The following ADAM11 variants were observed in gnomAD, a reference collection of about 807,000 sequenced individuals.
The protein encoded by ADAM11 is disintegrin and metalloproteinase domain-containing protein 11.
A neutral mutation model predicts 119.1 loss-of-function variants in ADAM11; 49 were observed. The observed-to-expected ratio is 0.41, with a 90% CI of 0.33 to 0.52. ADAM11 has a LOEUF of 0.52. Ranked by LOEUF, ADAM11 falls within the 20% of genes least tolerant of loss-of-function variation. The pLI, the probability that ADAM11 is intolerant of heterozygous loss-of-function variation, is 0.20. For synonymous variants in ADAM11, 364 were observed against 408.0 expected (o/e 0.89, Z 1.30); for missense variants, 777 against 1,047.5 (o/e 0.74, Z 3.56).
chr17:44,765,312 C>T (rs2049434355), intron 2 of ADAM11, among the ~76,000 whole-genome samples: 1 of 152,128 alleles, frequency 6.6e-6, no homozygotes, highest in Non-Finnish European at 1.5e-5. Flanking sequence ...AGCCACCTGG[C>T]CCACAAGGTG....
At position 44,775,669 on chromosome 17, in the gene ADAM11, G is replaced by A; in HGVS notation, c.1478G>A (p.Arg493His). The A allele has an allele frequency of 1.3e-6, 2 of 1,584,246 alleles. No homozygotes were observed. Among genetic ancestry groups the A allele is most frequent in the Non-Finnish European group, 1.7e-6 (2 of 1,167,172 alleles). The part of the protein sequence containing the change: ...AMCSDGLCCR[R>H]CKYEPRGVSC... Reference sequence around the variant, plus strand: ...TGCAGCGACGGGCTCTGCTGTCGCCGCTGCAAGGTAAGCAGGACCGGCCGG... The same window carrying A: ...TGCAGCGACGGGCTCTGCTGTCGCCACTGCAAGGTAAGCAGGACCGGCCGG... The change falls in exon 17 of 27, where the codon CGC (arginine) becomes CAC (histidine). Residue 493 changes from arginine (R) to histidine (H), a missense_variant. Transcript: ENST00000200557. This position sits in a 1 kb window ranked among gnomAD's most constrained non-coding sequence, Gnocchi z 7.5.
In ADAM11 at chr17:44,781,724, T is replaced by C. The variant is rs1480761586; in HGVS notation, c.*1970T>C. 6.6e-6 allele frequency: 1 copy of C among 152,346 alleles called. No homozygotes were observed. The highest frequency in any genetic ancestry group is 1.5e-5 in the Non-Finnish European group (1 of 68,126). The allele number at this position is 152,346 out of a possible 1,614,324, so 9.4% of individuals were successfully genotyped here. A position where few individuals can be genotyped will look rare whatever the true frequency, so the allele number is the denominator to read the frequency against. ...GCAGAACCCAGGGAGGAGTGGAGGC[T>C]GCCTCTGCCTGGGCCTCCACACAGC... On this transcript the variant is annotated 3_prime_UTR_variant, in exon 27 of 27. Transcript: ENST00000200557.
chr17:44,760,434 C>T (rs1294132535), intron 2 of ADAM11, among the ~76,000 whole-genome samples: 1 of 152,216 alleles, frequency 6.6e-6, no homozygotes, highest in African/African-American at 2.4e-5. Flanking sequence ...ACTTGAGGCC[C>T]CAAGCCAGCT....
intron 25 of ADAM11, among the ~76,000 whole-genome samples, chr17:44,778,585 G>T (rs1047244215): frequency 6.6e-6 from 1 of 151,134 alleles, no homozygotes; most frequent in African/African-American, 2.4e-5. Flanking sequence ...CCAGCTACTT[G>T]CGAGGCTGAG....
At chr17:44,770,563 G>A (rs893961808) in intron 4 of ADAM11, among the ~76,000 whole-genome samples, 24 of 151,898 alleles carry the variant, frequency 1.6e-4, no homozygotes, top group African/African-American at 5.3e-4. Context: ...GCTGGAGCGG[G>A]AGGGTGCCAC....
chr17:44,763,534 C>T (rs1598882439), intron 2 of ADAM11, among the ~76,000 whole-genome samples: 1 of 152,198 alleles, frequency 6.6e-6, no homozygotes, highest in East Asian at 1.9e-4. Context: ...TCTGGGAGTG[C>T]AGAAACCTGT....
rs1019381605 is a variant in ADAM11, at chr17:44,777,346, C to T, written c.1781+81C>T. 2.6e-5 allele frequency: 40 copies of T among 1,535,912 alleles called. No homozygotes were observed. The highest frequency in any genetic ancestry group is 3.3e-5 in the Non-Finnish European group (37 of 1,124,804). On this transcript the variant is annotated intron_variant, in intron 21 of 26. Coordinates refer to ENST00000200557, the MANE Select transcript of ADAM11 (RefSeq NM_002390.6). The surrounding 1 kb of genome is among the most constrained non-coding windows in gnomAD (Gnocchi z 5.1). ...TCAGAGATGGGGCAGCAGGTTCTCCCAGGAGGAGCCTGTCAGTCCCAATGG... is the reference window on the plus strand; with the variant it reads ...TCAGAGATGGGGCAGCAGGTTCTCCTAGGAGGAGCCTGTCAGTCCCAATGG...
At position 44,775,273 on chromosome 17, in the gene ADAM11, G is replaced by A; in HGVS notation, c.1282G>A (p.Glu428Lys). 1 of 1,613,872 alleles carries A rather than the reference G, an allele frequency of 6.2e-7. No individual in the cohort carries two copies. Among genetic ancestry groups the A allele is most frequent in the Non-Finnish European group, 8.5e-7 (1 of 1,180,010 alleles). ...CGACGAGTACAACCAGTTTCTGCAG[G>A]AGGGTGGTGGCAGCTGCCTCTTCAA... ...SIDEYNQFLQEGGGSCLFNKP... is the reference protein window; with the variant it reads ...SIDEYNQFLQKGGGSCLFNKP... The change falls in exon 15 of 27, where the codon GAG becomes AAG. Residue 428 changes from glutamate (E) to lysine (K), a missense_variant. Glu to Lys is a moderately conservative substitution (Grantham distance 56). Transcript: ENST00000200557. The surrounding 1 kb of genome is among the most constrained non-coding windows in gnomAD (Gnocchi z 7.5).
intron 14 of ADAM11, 118 bp downstream of exon 14, chr17:44,774,867 A>G: frequency 7.7e-7 from 1 of 1,291,626 alleles, no homozygotes; most frequent in Non-Finnish European, 1.1e-6. Flanking sequence ...ACCACTCAGG[A>G]TCCCAAGAAG....
At position 44,770,488 on chromosome 17, in the gene ADAM11, T is replaced by TCACCCCCCCCCCCC. The variant is rs1158996609; in HGVS notation, c.381+441_381+442insACCCCCCCCCCCCC. Among the ~76,000 whole-genome samples the TCACCCCCCCCCCCC allele has an allele frequency of 6.6e-5, 4 of 60,244 alleles. 1 individual carries two copies. The highest frequency in any genetic ancestry group is 1.1e-4 in the African/African-American group (2 of 18,784). The allele number at this position is 60,244 out of a possible 152,430, so 39.5% of individuals were successfully genotyped here. ...AATGAGTGTCTATAAATAGCCTGTCTCCCCCCCCCCCGCCCCCACTGCCTG... is the reference window on the plus strand; with the variant it reads ...AATGAGTGTCTATAAATAGCCTGTCTCACCCCCCCCCCCCCCCCCCCCCCCGCCCCCACTGCCTG... On this transcript the variant is annotated intron_variant, in intron 4 of 26. Transcript: ENST00000200557.
chr17:44,774,632 A>G, intron 13 of ADAM11, 50 bp downstream of exon 13: 1 of 1,602,176 alleles, frequency 6.2e-7, no homozygotes. Flanking sequence ...CAGCTCTGGA[A>G]CGGGAGGGTG....
At chr17:44,764,880 A>C (rs2049428817) in intron 2 of ADAM11, among the ~76,000 whole-genome samples, 1 of 152,004 alleles carries the variant, frequency 6.6e-6, no homozygotes, top group South Asian at 2.1e-4. Flanking sequence ...TGCTGGCATG[A>C]GGGCTGGGTG....
At chr17:44,774,844 C>A in intron 14 of ADAM11, 95 bp downstream of exon 14, 1 of 1,445,148 alleles carries the variant, frequency 6.9e-7, no homozygotes. Context: ...GCTCAAGAGG[C>A]CCAGCTCACA....
At chr17:44,771,354 G>T (rs969237056) in intron 4 of ADAM11, among the ~76,000 whole-genome samples, 2 of 151,248 alleles carry the variant, frequency 1.3e-5, no homozygotes, top group African/African-American at 4.9e-5. Flanking sequence ...TATAGATGAC[G>T]TGAAGGAGGC....
intron 4 of ADAM11, among the ~76,000 whole-genome samples, chr17:44,770,488 T>TCACCCCCCCCCC (rs1158996609): frequency 6.6e-5 from 4 of 60,242 alleles, no homozygotes; most frequent in African/African-American, 2.1e-4. Flanking sequence ...ATAGCCTGTC[T>TCACCCCCCCCCC]CCCCCCCCCC....
rs1353649534 is a variant in ADAM11 at position 44,774,396 on chromosome 17, C to T, written c.1077+17C>T. On this transcript the variant is annotated intron_variant, in intron 12 of 26. Transcript: ENST00000200557. The stretch of plus-strand genomic sequence containing the variant: ...GTGAACGAGGTGAGCAGTGGGGGGA[C>T]ATGGCTGGGGTGGCGGCTGAGGGAA... The T allele has an allele frequency of 6.6e-7, 1 of 1,519,208 alleles. No homozygotes were observed. Among genetic ancestry groups the T allele is most frequent in the South Asian group, 1.2e-5 (1 of 80,204 alleles). The allele number at this position is 1,519,208 out of a possible 1,614,324, so 94.1% of individuals were successfully genotyped here.
intron 25 of ADAM11, 142 bp from the exon 26 acceptor site, chr17:44,779,080 C>G: frequency 9.4e-7 from 1 of 1,066,126 alleles, no homozygotes; most frequent in East Asian, 2.9e-5. Flanking sequence ...CTCCCTGGCC[C>G]TTACATTAGT....
intron 26 of ADAM11, chr17:44,779,477 G>A (rs1048992900): frequency 1.1e-5 from 11 of 985,438 alleles, no homozygotes; most frequent in Non-Finnish European, 1.3e-5. Flanking sequence ...CTGCCCTGCT[G>A]CGGCCAGGCC....
Position 44,777,652 on chromosome 17 carries a change from G to A in ADAM11, c.1902-43G>A. On this transcript the variant is annotated intron_variant, in intron 22 of 26. Transcript: ENST00000200557. The surrounding 1 kb of genome is among the most constrained non-coding windows in gnomAD (Gnocchi z 5.1). Reference sequence around the variant, plus strand: ...AGGGGAGGTTGCAGCTGTGCTGGGGGTTAGGAGACAGGGGGCTGAGGCTGG... The same window carrying A: ...AGGGGAGGTTGCAGCTGTGCTGGGGATTAGGAGACAGGGGGCTGAGGCTGG... 2 of 1,613,568 alleles carry A rather than the reference G, an allele frequency of 1.2e-6. No homozygotes were observed. Among genetic ancestry groups the A allele is most frequent in the Non-Finnish European group, 1.7e-6 (2 of 1,179,650 alleles).
Sources: gnomAD v4.1 joint callset for allele counts (sites outside exome capture counted in the v4.1 genomes callset) on GRCh38, gnomAD v4.1.1 for gene constraint, Gnocchi (gnomAD v3.1) non-coding constraint, MANE v1.5 for transcripts, NCBI Gene and HGNC (gene_info 2026-07-23, HGNC 2026-07-21) for gene names.